Variants in CES4A observed in about 807,000 individuals in gnomAD.
The protein encoded by CES4A is carboxylesterase 4A.
Under a neutral mutation model 65.4 loss-of-function variants are expected in CES4A, and 48 were observed. The ratio of observed to expected loss-of-function variants is 0.73; its 90% confidence interval spans 0.58 to 0.93. CES4A has a LOEUF of 0.93. Among genes scored for constraint, CES4A ranks in the 40% least tolerant of loss-of-function variants. CES4A has a pLI of 0.00. For missense variants in CES4A, 685 were observed against 728.5 expected (o/e 0.94, Z 0.69); for synonymous variants, 247 against 281.8 (o/e 0.88, Z 1.24).
intron 11 of CES4A, 72 bp from the exon 12 acceptor site, chr16:67,006,319 G>A (rs1965754265): frequency 6.6e-7 from 1 of 1,504,106 alleles, no homozygotes; most frequent in Non-Finnish European, 8.9e-7. Context: ...CAGGTGAGTG[G>A]GAGGCATGGG....
At chr16:67,004,688 A>C in intron 9 of CES4A, 105 bp from the exon 10 acceptor site, 1 of 856,144 alleles carries the variant, frequency 1.2e-6, no homozygotes, top group South Asian at 1.5e-5. Context: ...GTGTCTGATA[A>C]CTCATCATTA....
intron 9 of CES4A, 88 bp from the exon 10 acceptor site, chr16:67,004,705 C>A: frequency 9.5e-7 from 1 of 1,053,002 alleles, no homozygotes; most frequent in Non-Finnish European, 1.4e-6. Flanking sequence ...ATTAGATGGG[C>A]AAGACCTTTG....
At position 67,005,357 on chromosome 16, in the gene CES4A, G is replaced by A. The variant is rs368124081; in HGVS notation, c.1279G>A (p.Val427Met). 28 of 1,613,970 alleles carry A rather than the reference G, an allele frequency of 1.7e-5. No individual in the cohort carries two copies. Among genetic ancestry groups the A allele is most frequent in the Middle Eastern group, 1.6e-4 (1 of 6,084 alleles). Reference sequence around the variant, plus strand: ...GGACATAGTTCAAGATGCCACTTTCGTGTATGCCACACTGCAGACTGCTCA... The same window carrying A: ...GGACATAGTTCAAGATGCCACTTTCATGTATGCCACACTGCAGACTGCTCA... The change falls in exon 11 of 14, where the codon GTG (valine) becomes ATG (methionine). Residue 427 changes from valine (V) to methionine (M), a missense_variant. Physicochemically the swap from Val to Met is conservative, Grantham distance 21. Coordinates refer to ENST00000648724, the Ensembl canonical transcript of CES4A.
Position 67,005,932 on chromosome 16 carries a change from C to G in CES4A, c.1316-459C>G, listed in dbSNP as rs553855219. The G allele has an allele frequency of 1.3e-3, 253 of 189,132 alleles. 1 individual carries two copies. The highest frequency in any genetic ancestry group is 2.2e-3 in the Non-Finnish European group (195 of 90,542). The allele number at this position is 189,132 out of a possible 1,614,324, so 11.7% of individuals were successfully genotyped here. On this transcript the variant is annotated intron_variant, in intron 11 of 13. Coordinates refer to ENST00000648724, the Ensembl canonical transcript of CES4A. The stretch of plus-strand genomic sequence containing the variant: ...GACCTCAAACAGTCCAGAGGAGAAG[C>G]CTGGGGTGGTCAGGGAAGGCTTCCT...
At chr16:67,005,287 C>T (rs371415532) in exon 11 of CES4A, 4 of 1,613,928 alleles carry the variant, frequency 2.5e-6, no homozygotes, top group Admixed American at 1.7e-5. Flanking sequence ...AGTACCTGGA[C>T]AATGTCAATG....
chr16:66,995,962 A>G (rs565055593), intron 2 of CES4A, 133 bp downstream of exon 2: 2 of 805,216 alleles, frequency 2.5e-6, no homozygotes, highest in East Asian at 2.6e-5. Flanking sequence ...TCTGGGCCTC[A>G]GTTTTCAGAC....
intron 2 of CES4A, chr16:66,996,155 A>G (rs1964835026): frequency 4.4e-6 from 2 of 450,648 alleles, no homozygotes; most frequent in African/African-American, 4.0e-5. Flanking sequence ...CTCCTGCCTC[A>G]GCCTCTGAGT....
rs757642730 is a variant in CES4A at position 67,003,066 on chromosome 16, G to A, written c.691-4G>A. 6.2e-7 allele frequency: 1 copy of A among 1,612,782 alleles called. No individual in the cohort carries two copies. The highest frequency in any genetic ancestry group is 1.1e-5 in the South Asian group (1 of 91,062). ...CACGGGTGTATTCCTCCCTGTTCTT[G>A]CAGATGATGTCACCCCTAGCCTCGG... On this transcript the variant is annotated splice_region_variant and splice_polypyrimidine_tract_variant and intron_variant, in intron 5 of 13. Coordinates refer to ENST00000648724, the Ensembl canonical transcript of CES4A. The surrounding 1 kb of genome is among the most constrained non-coding windows in gnomAD (Gnocchi z 4.2).
At chr16:66,993,777 A>G (rs1343383723) in intron 1 of CES4A, among the ~76,000 whole-genome samples, 1 of 152,206 alleles carries the variant, frequency 6.6e-6, no homozygotes, top group Non-Finnish European at 1.5e-5. Context: ...ATTTCTTCCT[A>G]GAAACATGCT....
At chr16:66,993,918 G>A (rs1242323495) in intron 1 of CES4A, among the ~76,000 whole-genome samples, 4 of 151,650 alleles carry the variant, frequency 2.6e-5, no homozygotes, top group Non-Finnish European at 4.4e-5. Flanking sequence ...TGGCTAACAT[G>A]GTGAAACCGT....
At chr16:67,006,765 A>C in exon 13 of CES4A, 1 of 1,614,100 alleles carries the variant, frequency 6.2e-7, no homozygotes, top group Non-Finnish European at 8.5e-7. Flanking sequence ...GGGTAAGGAG[A>C]AGGCACTTAG....
rs748913215 is a variant in CES4A at position 67,001,038 on chromosome 16, G to C, written c.536+48G>C. The C allele has an allele frequency of 2.5e-6, 4 of 1,590,856 alleles. No homozygotes were observed. Among genetic ancestry groups the C allele is most frequent in the South Asian group, 1.1e-5 (1 of 89,218 alleles). ...GGACCGCAGCTGTGGCCAGAGCGGC[G>C]GGGACTGGGTGGGAAGGGAGGGGCG... On this transcript the variant is annotated intron_variant, in intron 4 of 13. Coordinates refer to ENST00000648724, the Ensembl canonical transcript of CES4A. This position sits in a 1 kb window ranked among gnomAD's most constrained non-coding sequence, Gnocchi z 4.1.
chr16:67,006,013 G>A (rs1965730911), intron 11 of CES4A: 1 of 231,236 alleles, frequency 4.3e-6, no homozygotes, highest in Middle Eastern at 1.8e-3. Context: ...TGGGGCTAGG[G>A]GAACATGTGG....
Position 67,003,018 on chromosome 16 carries a change from C to A in CES4A, c.691-52C>A. 1 of 1,486,200 alleles carries A rather than the reference C, an allele frequency of 6.7e-7. No homozygotes were observed. The highest frequency in any genetic ancestry group is 1.4e-5 in the African/African-American group (1 of 72,318). The allele number at this position is 1,486,200 out of a possible 1,614,324, so 92.1% of individuals were successfully genotyped here. On this transcript the variant is annotated intron_variant, in intron 5 of 13. Transcript: ENST00000648724. This position sits in a 1 kb window ranked among gnomAD's most constrained non-coding sequence, Gnocchi z 4.2. The stretch of plus-strand genomic sequence containing the variant: ...GGCCAGACAGATGCCCAGAACAGCC[C>A]AGGTGTCTCTACTTGGGCATCTCAC...
chr16:67,010,184 G>T (rs562702240), downstream of CES4A, among the ~76,000 whole-genome samples: 1 of 150,842 alleles, frequency 6.6e-6, no homozygotes, highest in Admixed American at 6.6e-5. Context: ...TCCTGCCTCA[G>T]CCTCCCAAGT....
Position 67,000,790 on chromosome 16 carries a change from G to T in CES4A, c.402+11G>T. 6.5e-7 allele frequency: 1 copy of T among 1,549,956 alleles called. No individual in the cohort carries two copies. Among genetic ancestry groups the T allele is most frequent in the Non-Finnish European group, 8.7e-7 (1 of 1,145,970 alleles). ...GATCCCCAGCTGCCAGTGAGTGCCA[G>T]GTCTCCCGCGCCCGCGGTCCCACCG... On this transcript the variant is annotated intron_variant, in intron 3 of 13. Transcript: ENST00000648724. The surrounding 1 kb of genome is among the most constrained non-coding windows in gnomAD (Gnocchi z 4.2).
intron 11 of CES4A, chr16:67,006,009 T>C: frequency 4.6e-6 from 1 of 218,138 alleles, no homozygotes; most frequent in Non-Finnish European, 9.0e-6. Context: ...TGACTGGGGC[T>C]AGGGGAACAT....
intron 13 of CES4A, chr16:67,008,708 A>C (rs1965966540): frequency 2.6e-6 from 1 of 383,694 alleles, no homozygotes; most frequent in African/African-American, 2.1e-5. Flanking sequence ...CCACACACAC[A>C]CTCTGTTTTT....
intron 1 of CES4A, among the ~76,000 whole-genome samples, chr16:66,992,152 C>G (rs1444414686): frequency 6.6e-6 from 1 of 152,214 alleles, no homozygotes; most frequent in Non-Finnish European, 1.5e-5. Context: ...GTCACGGCCC[C>G]CCTCTGGGTC....
Sources: allele counts gnomAD v4.1 joint callset (sites outside exome capture counted in the v4.1 genomes callset), GRCh38; gene constraint gnomAD v4.1.1; non-coding constraint Gnocchi (gnomAD v3.1); transcripts MANE v1.5; gene names NCBI Gene and HGNC (gene_info 2026-07-23, HGNC 2026-07-21).